MAGI2: variants seen among roughly 807,000 people sequenced by gnomAD.
MAGI2 encodes membrane associated guanylate kinase, WW and PDZ domain containing 2.
In MAGI2, 35 loss-of-function variants were observed where a neutral mutation model predicts 133.3. The observed-to-expected ratio is 0.26, with a 90% CI of 0.20 to 0.35. The LOEUF (loss-of-function observed/expected upper bound fraction) is 0.35. MAGI2 is among the 10% of genes least tolerant of loss of function. MAGI2 has a pLI of 1.00. For synonymous variants in MAGI2, 729 were observed against 710.6 expected, an observed-to-expected ratio of 1.03 and a Z score of -0.41; for missense variants, 1,636 against 1,863.4, an observed-to-expected ratio of 0.88 and a Z score of 2.25.
chr7:79,403,998 G>C (rs1845639938), intron 1 of MAGI2, among the ~76,000 whole-genome samples: 1 of 152,112 alleles, frequency 6.6e-6, no homozygotes, highest in Admixed American at 6.5e-5. Context: ...AGAAGATAAT[G>C]GGAAAAGGCT....
chr7:79,185,157 G>C (rs1448829009), intron 1 of MAGI2, among the ~76,000 whole-genome samples: 1 of 151,752 alleles, frequency 6.6e-6, no homozygotes, highest in African/African-American at 2.4e-5. Context: ...TTGATGCTGA[G>C]AGAAATGATT....
intron 2 of MAGI2, among the ~76,000 whole-genome samples, chr7:78,834,102 TA>T (rs113298227): frequency 0.087 from 13,244 of 152,160 alleles, 753 homozygotes; most frequent in East Asian, 0.2. Flanking sequence ...GTATATCCCT[TA>T]TTTTAAACAA....
intron 2 of MAGI2, among the ~76,000 whole-genome samples, chr7:78,828,561 T>C (rs1328066715): frequency 7.9e-5 from 12 of 152,138 alleles, no homozygotes; most frequent in African/African-American, 2.9e-4. Context: ...AAATGTAATA[T>C]GGTATCTTGG....
chr7:78,944,444 A>C (rs1474227852), intron 2 of MAGI2, among the ~76,000 whole-genome samples: 1 of 152,168 alleles, frequency 6.6e-6, no homozygotes, highest in Non-Finnish European at 1.5e-5. Context: ...CTGAGTAGCC[A>C]GTCACAACTA....
At chr7:79,220,881 T>C (rs1163984182) in intron 1 of MAGI2, among the ~76,000 whole-genome samples, 1 of 152,136 alleles carries the variant, frequency 6.6e-6, no homozygotes, top group Admixed American at 6.5e-5. Context: ...AAGAGTCACC[T>C]GAGAAAAAAG....
chr7:78,309,681 T>A (rs75537482), intron 9 of MAGI2, among the ~76,000 whole-genome samples: 5 of 151,862 alleles, frequency 3.3e-5, no homozygotes, highest in Admixed American at 6.6e-5. Context: ...TAAAAAAAAA[T>A]AGATTTTAAA....
chr7:79,292,174 T>C (rs1307506087), intron 1 of MAGI2, among the ~76,000 whole-genome samples: 1 of 152,236 alleles, frequency 6.6e-6, no homozygotes, highest in Non-Finnish European at 1.5e-5. Flanking sequence ...ACAAATTGTC[T>C]TGGCAATTTT....
chr7:78,660,236 C>A (rs867701340), intron 2 of MAGI2, among the ~76,000 whole-genome samples: 4 of 151,664 alleles, frequency 2.6e-5, no homozygotes, highest in South Asian at 2.1e-4. Context: ...CAAACCTGCA[C>A]GTTGTACACA....
rs118106665 is a variant in MAGI2 at position 79,397,497 on chromosome 7, T to C, written c.301+55523A>G. On this transcript the variant is annotated intron_variant, in intron 1 of 21. Transcript: ENST00000354212. The stretch of plus-strand genomic sequence containing the variant: ...TATTTCCAGAGGTAAGCATTCTAGA[T>C]TTGGAGTTAATGGGTTACAAAATGT... Among the ~76,000 whole-genome samples the C allele has an allele frequency of 3.9e-4, 60 of 152,144 alleles. No individual in the cohort carries two copies. In the East Asian group the frequency reaches 0.011, roughly 28 times the overall value.
intron 9 of MAGI2, among the ~76,000 whole-genome samples, chr7:78,299,305 A>T (rs2151068580): frequency 6.6e-6 from 1 of 152,316 alleles, no homozygotes; most frequent in South Asian, 2.1e-4. Context: ...TGCTCGTTAC[A>T]TGAAATATGC....
chr7:79,402,737 G>A (rs1318600302), intron 1 of MAGI2, among the ~76,000 whole-genome samples: 3 of 152,238 alleles, frequency 2.0e-5, no homozygotes, highest in Admixed American at 1.3e-4. Flanking sequence ...TGAGGCAGGC[G>A]CATTGCTTGA....
intron 10 of MAGI2, among the ~76,000 whole-genome samples, chr7:78,235,693 T>C (rs1229268610): frequency 6.6e-6 from 1 of 152,108 alleles, no homozygotes; most frequent in East Asian, 1.9e-4. Context: ...CTTTCCTTTA[T>C]AAATTACCCA....
chr7:78,976,872 T>C (rs1804307443), intron 2 of MAGI2, among the ~76,000 whole-genome samples: 2 of 151,572 alleles, frequency 1.3e-5, no homozygotes, highest in Non-Finnish European at 3.0e-5. Context: ...GTGAAATACT[T>C]ACATATAAGT....
At chr7:79,088,139 T>C (rs183318202) in intron 1 of MAGI2, among the ~76,000 whole-genome samples, 462 of 152,254 alleles carry the variant, frequency 3.0e-3, no homozygotes, top group Non-Finnish European at 4.7e-3. Flanking sequence ...GGAATGTTTT[T>C]CCATTTGTTT....
intron 1 of MAGI2, among the ~76,000 whole-genome samples, chr7:79,222,325 A>G (rs1830500971): frequency 6.6e-6 from 1 of 152,188 alleles, no homozygotes; most frequent in Middle Eastern, 3.4e-3. Flanking sequence ...AAGCAATAAT[A>G]TATTTGGAAG....
chr7:78,262,262 TAAA>T (rs1225423123), intron 9 of MAGI2, among the ~76,000 whole-genome samples: 1 of 152,222 alleles, frequency 6.6e-6, no homozygotes, highest in African/African-American at 2.4e-5. Flanking sequence ...TAACAGATGA[TAAA>T]AAATTCCTTC....
At chr7:78,325,060 A>G (rs1280197940) in intron 9 of MAGI2, among the ~76,000 whole-genome samples, 1 of 152,222 alleles carries the variant, frequency 6.6e-6, no homozygotes, top group Non-Finnish European at 1.5e-5. Context: ...CTCCCATCTG[A>G]GAAACCAAAA....
At chr7:79,301,364 C>T (rs535838925) in intron 1 of MAGI2, among the ~76,000 whole-genome samples, 4 of 152,356 alleles carry the variant, frequency 2.6e-5, no homozygotes, top group South Asian at 4.1e-4. Context: ...GAAGCTCACT[C>T]TTTGCACCAA....
chr7:78,285,311 AC>A (rs1433678109), intron 9 of MAGI2, among the ~76,000 whole-genome samples: 1 of 152,088 alleles, frequency 6.6e-6, no homozygotes, highest in African/African-American at 2.4e-5. Flanking sequence ...GTTACATAAT[AC>A]AGTTACATAA....
Sources: allele counts gnomAD v4.1 joint callset (sites outside exome capture counted in the v4.1 genomes callset), GRCh38; gene constraint gnomAD v4.1.1; transcripts MANE v1.5; gene names NCBI Gene and HGNC (gene_info 2026-07-23, HGNC 2026-07-21).